The following RFX3 variants were observed in gnomAD, a reference collection of about 807,000 sequenced individuals.
RFX3 encodes regulatory factor X3.
Under a neutral mutation model 98.6 loss-of-function variants are expected in RFX3, and 14 were observed. The ratio of observed to expected loss-of-function variants is 0.14; its 90% confidence interval spans 0.09 to 0.22. The LOEUF is 0.22. Ranked by LOEUF, RFX3 falls within the 10% of genes least tolerant of loss-of-function variation. The pLI, the probability that RFX3 is intolerant of heterozygous loss-of-function variation, is 1.00. For synonymous variants in RFX3, 383 were observed against 328.4 expected, an observed-to-expected ratio of 1.17 and a Z score of -1.80; for missense variants, 639 against 926.9, an observed-to-expected ratio of 0.69 and a Z score of 4.03.
In RFX3 at chr9:3,278,679, G is replaced by A. The variant is rs1203658778; in HGVS notation, c.852-1218C>T. 2.6e-5 allele frequency among the ~76,000 whole-genome samples: 4 copies of A among 151,886 alleles called. No homozygotes were observed. In the East Asian group the frequency reaches 7.7e-4, roughly 29 times the overall value. On this transcript the variant is annotated intron_variant, in intron 7 of 16. Transcript: ENST00000617270. ...CAAACTAATGCTCAGCTTGCCTTAG[G>A]AAATGAATCAATCTTGGATGTTATC...
chr9:3,327,514 G>C (rs2991310), intron 4 of RFX3, among the ~76,000 whole-genome samples: 1 of 151,538 alleles, frequency 6.6e-6, no homozygotes, highest in African/African-American at 2.4e-5. Context: ...ATCAATATGG[G>C]CTTGGTGAGA....
At chr9:3,400,430 T>G (rs1168878759) in intron 1 of RFX3, among the ~76,000 whole-genome samples, 1 of 152,246 alleles carries the variant, frequency 6.6e-6, no homozygotes, top group Admixed American at 6.5e-5. Flanking sequence ...AGCCTAGTCC[T>G]GCACAACCAA....
intron 4 of RFX3, among the ~76,000 whole-genome samples, chr9:3,315,427 AT>A (rs1035185587): frequency 8.2e-4 from 125 of 152,338 alleles, no homozygotes; most frequent in African/African-American, 2.8e-3. Flanking sequence ...AGCAGGAAAG[AT>A]CTAAAATTGA....
chr9:3,408,669 G>T, intron 1 of RFX3, among the ~76,000 whole-genome samples: 1 of 151,450 alleles, frequency 6.6e-6, no homozygotes, highest in Admixed American at 6.6e-5. Flanking sequence ...CAGACAACAG[G>T]TCTTTGGTAT....
intron 1 of RFX3, among the ~76,000 whole-genome samples, chr9:3,455,108 T>C (rs1481947837): frequency 6.6e-6 from 1 of 152,212 alleles, no homozygotes; most frequent in African/African-American, 2.4e-5. Flanking sequence ...GCCAGAAATA[T>C]CTTCCAAATT....
intron 1 of RFX3, among the ~76,000 whole-genome samples, chr9:3,401,766 G>A (rs1409297183): frequency 6.6e-6 from 1 of 152,146 alleles, no homozygotes; most frequent in East Asian, 1.9e-4. Flanking sequence ...TAAGCAGTTG[G>A]ACACACCCGC....
intron 2 of RFX3, among the ~76,000 whole-genome samples, 181 bp downstream of exon 2, chr9:3,395,291 C>G (rs576213053): frequency 1.3e-5 from 2 of 152,286 alleles, no homozygotes; most frequent in East Asian, 3.9e-4. Flanking sequence ...TATAGCCTAG[C>G]ACAGAAAGAA....
chr9:3,322,298 T>G (rs552957207), intron 4 of RFX3, among the ~76,000 whole-genome samples: 1 of 152,300 alleles, frequency 6.6e-6, no homozygotes, highest in East Asian at 1.9e-4. Context: ...TGGCGAACTT[T>G]AGGTGTTTTT....
intron 1 of RFX3, among the ~76,000 whole-genome samples, chr9:3,469,660 TC>T (rs1294636703): frequency 6.6e-6 from 1 of 152,134 alleles, no homozygotes; most frequent in African/African-American, 2.4e-5. Context: ...TAAAATACTG[TC>T]CAGTTAGCTT....
intron 1 of RFX3, among the ~76,000 whole-genome samples, chr9:3,511,898 G>C (rs967711479): frequency 6.6e-6 from 1 of 151,956 alleles, no homozygotes; most frequent in African/African-American, 2.4e-5. Context: ...TGCTTGTAGG[G>C]TAACTACAGT....
At chr9:3,283,865 T>G (rs1826239604) in intron 7 of RFX3, among the ~76,000 whole-genome samples, 1 of 151,736 alleles carries the variant, frequency 6.6e-6, no homozygotes, top group Admixed American at 6.6e-5. Context: ...TACGTGTATT[T>G]CTGTTTGGGT....
At chr9:3,279,566 G>C (rs1287102079) in intron 7 of RFX3, among the ~76,000 whole-genome samples, 1 of 151,766 alleles carries the variant, frequency 6.6e-6, no homozygotes, top group Admixed American at 6.6e-5. Flanking sequence ...TACTACAGGT[G>C]CTTAATAGGC....
At chr9:3,336,150 A>C (rs1484955294) in intron 3 of RFX3, among the ~76,000 whole-genome samples, 1 of 152,170 alleles carries the variant, frequency 6.6e-6, no homozygotes, top group Non-Finnish European at 1.5e-5. Context: ...TCATACCATA[A>C]ATTGTATTAT....
At chr9:3,347,634 C>G (rs936414946) in intron 2 of RFX3, among the ~76,000 whole-genome samples, 1 of 152,032 alleles carries the variant, frequency 6.6e-6, no homozygotes, top group African/African-American at 2.4e-5. Flanking sequence ...GACCAGTCTC[C>G]TGACCAACAT....
chr9:3,432,557 GA>G (rs773059277), intron 1 of RFX3, among the ~76,000 whole-genome samples: 43 of 152,232 alleles, frequency 2.8e-4, no homozygotes, highest in Non-Finnish European at 5.3e-4. Context: ...GCCAAGCAAG[GA>G]AGTCATGAAA....
In RFX3 at chr9:3,485,839, T is replaced by C. The variant is rs1231940155; in HGVS notation, c.-9+39908A>G. Among the ~76,000 whole-genome samples the C allele has an allele frequency of 2.6e-5, 4 of 152,046 alleles. No homozygotes were observed. In the East Asian group the frequency reaches 5.8e-4, roughly 22 times the overall value. On this transcript the variant is annotated intron_variant, in intron 1 of 16. Transcript: ENST00000617270. ...TGGTAAAGACTTTAAGAATAATAGA[T>C]ATTGGCTGAGTGCAGTGGCTCACAC...
chr9:3,333,902 T>C (rs745537519), intron 3 of RFX3, among the ~76,000 whole-genome samples: 3 of 152,186 alleles, frequency 2.0e-5, no homozygotes, highest in Non-Finnish European at 4.4e-5. Context: ...CTATTCTATG[T>C]GCTTTTTAGG....
intron 4 of RFX3, among the ~76,000 whole-genome samples, chr9:3,315,454 A>G (rs1830472126): frequency 6.6e-6 from 1 of 152,198 alleles, no homozygotes; most frequent in Non-Finnish European, 1.5e-5. Context: ...TAACATCACA[A>G]TTAAAAGAAC....
chr9:3,471,243 C>G (rs1162844971), intron 1 of RFX3, among the ~76,000 whole-genome samples: 3 of 152,160 alleles, frequency 2.0e-5, no homozygotes, highest in Admixed American at 6.5e-5. Flanking sequence ...ATCACTGTAC[C>G]TTTGTCACCT....
Sources: gnomAD v4.1 joint callset for allele counts (sites outside exome capture counted in the v4.1 genomes callset) on GRCh38, gnomAD v4.1.1 for gene constraint, MANE v1.5 for transcripts, NCBI Gene and HGNC (gene_info 2026-07-23, HGNC 2026-07-21) for gene names.